The following XKR4 variants were observed in gnomAD, a reference collection of about 807,000 sequenced individuals.
XKR4 encodes the protein XK related 4.
A neutral mutation model predicts 53.9 loss-of-function variants in XKR4; 12 were observed. The ratio of observed to expected loss-of-function variants is 0.22; its 90% CI spans 0.14 to 0.36. The LOEUF is 0.36. Ranked by LOEUF, XKR4 falls within the 10% of genes least tolerant of loss-of-function variation. The probability of loss-of-function intolerance (pLI) is 1.00; values close to 1 mark genes in which losing one functional copy is unlikely to be tolerated. For synonymous variants in XKR4, 354 were observed against 362.4 expected, an observed-to-expected ratio of 0.98 and a Z score of 0.26; for missense variants, 799 against 859.5, an observed-to-expected ratio of 0.93 and a Z score of 0.88.
Position 55,511,700 on chromosome 8 carries a change from C to T in XKR4, c.1007-11581C>T, listed in dbSNP as rs142574327. Among the ~76,000 whole-genome samples, 266 of 152,272 alleles carry T rather than the reference C, an allele frequency of 1.7e-3. 1 individual carries two copies. The highest frequency in any genetic ancestry group is 6.2e-3 in the African/African-American group (256 of 41,548). On this transcript the variant is annotated intron_variant, in intron 2 of 2. Coordinates refer to ENST00000327381, the MANE Select transcript of XKR4 (RefSeq NM_052898.2). ...GGACTCTATTGCATAGGCCTTTAAGCCAATAATATTAAGTACACATTCTGC... is the reference window on the plus strand; with the variant it reads ...GGACTCTATTGCATAGGCCTTTAAGTCAATAATATTAAGTACACATTCTGC...
At chr8:55,304,125 T>C (rs545057176) in intron 1 of XKR4, among the ~76,000 whole-genome samples, 194 of 152,344 alleles carry the variant, frequency 1.3e-3, no homozygotes, top group African/African-American at 4.4e-3. Context: ...TGCTTTCTCT[T>C]GTGGGCATTT....
At chr8:55,255,697 G>A (rs1014568109) in intron 1 of XKR4, among the ~76,000 whole-genome samples, 1 of 152,012 alleles carries the variant, frequency 6.6e-6, no homozygotes. Context: ...TAAGCCCCTC[G>A]AGAAAAACTA....
At chr8:55,411,248 C>T (rs1400473233) in intron 2 of XKR4, among the ~76,000 whole-genome samples, 1 of 152,152 alleles carries the variant, frequency 6.6e-6, no homozygotes, top group Non-Finnish European at 1.5e-5. Context: ...GAGACCTCAT[C>T]CCTGTCACCT....
At chr8:55,302,816 AG>A (rs1237321898) in intron 1 of XKR4, among the ~76,000 whole-genome samples, 1 of 152,168 alleles carries the variant, frequency 6.6e-6, no homozygotes, top group Non-Finnish European at 1.5e-5. Context: ...GTGGTGTATA[AG>A]AATGCTTGTG....
intron 2 of XKR4, among the ~76,000 whole-genome samples, chr8:55,419,087 T>G (rs1804890239): frequency 6.6e-6 from 1 of 151,976 alleles, no homozygotes; most frequent in Non-Finnish European, 1.5e-5. Context: ...ATAAAGAGCA[T>G]GAAAACCAAG....
At chr8:55,473,293 T>C (rs536992374) in intron 2 of XKR4, among the ~76,000 whole-genome samples, 3 of 152,240 alleles carry the variant, frequency 2.0e-5, no homozygotes, top group Admixed American at 6.5e-5. Flanking sequence ...ATTGTTCTTG[T>C]TTAGTGGGTG....
intron 1 of XKR4, among the ~76,000 whole-genome samples, chr8:55,229,153 T>A (rs371730169): frequency 1.3e-5 from 2 of 152,208 alleles, no homozygotes; most frequent in South Asian, 2.1e-4. Context: ...TGGGGCTGCT[T>A]AAATCCATCC....
chr8:55,343,459 C>A (rs1263286385), intron 1 of XKR4, among the ~76,000 whole-genome samples: 1 of 152,182 alleles, frequency 6.6e-6, no homozygotes, highest in Non-Finnish European at 1.5e-5. Context: ...ATTGGTCTCA[C>A]AGCCTCTGAA....
Position 55,523,432 on chromosome 8 carries a change from G to A in XKR4, c.1158G>A (p.Arg386=). The change falls in exon 3 of 3, where the codon AGG becomes AGA. Residue 386 remains arginine, a synonymous_variant. Coordinates refer to ENST00000327381, the MANE Select transcript of XKR4 (RefSeq NM_052898.2). ...FCWHFFTIAA[R]VITFALFASV... The stretch of plus-strand genomic sequence containing the variant: ...GGCACTTCTTCACCATCGCCGCCAG[G>A]GTCATCACGTTTGCCCTCTTTGCCT... The A allele has an allele frequency of 6.2e-7, 1 of 1,614,150 alleles. No homozygotes were observed. The highest frequency in any genetic ancestry group is 8.5e-7 in the Non-Finnish European group (1 of 1,180,034).
intron 1 of XKR4, among the ~76,000 whole-genome samples, chr8:55,312,502 C>G (rs1384941702): frequency 6.6e-6 from 1 of 152,112 alleles, no homozygotes; most frequent in East Asian, 1.9e-4. Context: ...AGATTCTTAT[C>G]CTGGGATCCC....
intron 1 of XKR4, among the ~76,000 whole-genome samples, chr8:55,319,220 A>T (rs1481993000): frequency 6.6e-6 from 1 of 152,180 alleles, no homozygotes. Context: ...ATTTTTCTTT[A>T]AAAAAATCAA....
intron 1 of XKR4, among the ~76,000 whole-genome samples, chr8:55,247,492 G>T (rs1000234596): frequency 1.3e-5 from 2 of 152,110 alleles, no homozygotes; most frequent in African/African-American, 2.4e-5. Context: ...TACCAATAAA[G>T]AAACTGAGTT....
intron 1 of XKR4, among the ~76,000 whole-genome samples, chr8:55,107,635 C>T (rs1816168564): frequency 6.6e-6 from 1 of 152,076 alleles, no homozygotes; most frequent in Non-Finnish European, 1.5e-5. Context: ...TTAATGATTA[C>T]ATGGCATAAT....
chr8:55,159,410 T>C (rs914269874), intron 1 of XKR4, among the ~76,000 whole-genome samples: 2 of 152,146 alleles, frequency 1.3e-5, no homozygotes, highest in Admixed American at 6.5e-5. Context: ...GAGTCAAGTA[T>C]ACACACACAC....
chr8:55,144,805 C>CTATTTTATTTTATTTTATTTTATTT (rs57869559), intron 1 of XKR4, among the ~76,000 whole-genome samples: 4,061 of 138,974 alleles, frequency 0.029, 153 homozygotes, highest in South Asian at 0.13. Flanking sequence ...AGTATTACCA[C>CTATTTTATTTTATTTTATTTTATTT]TATTTTATTT....
chr8:55,175,640 G>A (rs1016522497), intron 1 of XKR4, among the ~76,000 whole-genome samples: 1 of 152,126 alleles, frequency 6.6e-6, no homozygotes, highest in Non-Finnish European at 1.5e-5. Context: ...TAATGGCTAG[G>A]CCAGTGTCAT....
intron 1 of XKR4, among the ~76,000 whole-genome samples, chr8:55,233,049 G>A (rs1295124477): frequency 6.6e-6 from 1 of 152,204 alleles, no homozygotes; most frequent in Admixed American, 6.5e-5. Context: ...GTAGGTATCT[G>A]GAGGGCTGGA....
chr8:55,401,098 T>A (rs1208971997), intron 2 of XKR4, among the ~76,000 whole-genome samples: 1 of 152,168 alleles, frequency 6.6e-6, no homozygotes, highest in African/African-American at 2.4e-5. Context: ...GGTATCTGGG[T>A]CAGTAACCGT....
chr8:55,299,021 T>G (rs1585995504), intron 1 of XKR4, among the ~76,000 whole-genome samples: 1 of 152,210 alleles, frequency 6.6e-6, no homozygotes, highest in East Asian at 1.9e-4. Context: ...GTCAATTGTC[T>G]GGCCCTTCCT....
Sources: allele counts gnomAD v4.1 joint callset (sites outside exome capture counted in the v4.1 genomes callset), GRCh38; gene constraint gnomAD v4.1.1; transcripts MANE v1.5; gene names NCBI Gene and HGNC (gene_info 2026-07-23, HGNC 2026-07-21).